The following GFAP variants were observed in gnomAD, a reference collection of about 807,000 sequenced individuals.
GFAP encodes intermediate filament protein.
GFAP carries 38 observed loss-of-function variants against 49.3 expected under a neutral mutation model. That is an observed-to-expected ratio of 0.77 (90% confidence interval 0.60 to 1.01). The LOEUF (loss-of-function observed/expected upper bound fraction) is 1.01, where lower values mean the gene tolerates loss of function less well. Among genes scored for constraint, GFAP ranks in the 50% least tolerant of loss-of-function variants. GFAP has a pLI of 0.00. For synonymous variants in GFAP, 222 were observed against 236.4 expected (o/e 0.94, Z 0.56); for missense variants, 463 against 579.1 (o/e 0.80, Z 2.06).
At position 44,905,878 on chromosome 17, in the gene GFAP, G is replaced by C. The variant is rs898216290; in HGVS notation, c.*1469C>G. ...CTCACCAGTCTGCTCAGTCAAAGCA[G>C]AGTGGGTGCACTGGGGTGGACGTGT... On this transcript the variant is annotated 3_prime_UTR_variant, in exon 9 of 9. Coordinates refer to ENST00000588735, the MANE Select transcript of GFAP (RefSeq NM_002055.5). 1 of 152,352 alleles carries C rather than the reference G, an allele frequency of 6.6e-6. No individual in the cohort carries two copies. Among genetic ancestry groups the C allele is most frequent in the African/African-American group, 2.4e-5 (1 of 41,450 alleles). 9.4% of individuals were successfully genotyped at this position (152,352 alleles called of 1,614,324 possible).
chr17:44,914,078 C>T lies in GFAP; in HGVS notation c.472G>A (p.Glu158Lys). The stretch of plus-strand genomic sequence containing the variant: ...TCGGCTTCCAGCCTCAGGTTGGTTT[C>T]ATCCTGGAGCCTGGAGTGGGGGGAC... Reference protein sequence around the residue: ...LATVRQKLQDETNLRLEAENN... With the variant: ...LATVRQKLQDKTNLRLEAENN... Residue 158 changes from glutamate (E) to lysine (K), a missense_variant, in exon 2 of 9, where the codon GAA becomes AAA. Coordinates refer to ENST00000588735, the MANE Select transcript of GFAP (RefSeq NM_002055.5). The T allele has an allele frequency of 6.4e-7, 1 of 1,554,100 alleles. No individual in the cohort carries two copies.
chr17:44,909,842 C>T, intron 7 of GFAP: 2 of 1,241,226 alleles, frequency 1.6e-6, no homozygotes, highest in African/African-American at 3.0e-5. Context: ...AGGGGCCCTC[C>T]CAGTGACAGG....
chr17:44,911,862 AG>A, intron 4 of GFAP, 65 bp from the exon 5 acceptor site: 1 of 1,560,180 alleles, frequency 6.4e-7, no homozygotes, highest in Non-Finnish European at 8.7e-7. Context: ...CTGGGAAATC[AG>A]GGAGGTGAGC....
chr17:44,910,094 C>T (rs754362823), intron 7 of GFAP: 1 of 1,613,684 alleles, frequency 6.2e-7, no homozygotes, highest in Admixed American at 1.7e-5. Context: ...AGGCTCACTC[C>T]CTGTCAAGCT....
intron 7 of GFAP, chr17:44,908,924 A>AG (rs1265945392): frequency 3.5e-5 from 4 of 114,766 alleles, no homozygotes; most frequent in African/African-American, 1.6e-4. Flanking sequence ...GAAGGAAGGA[A>AG]GAAAGAAAGA....
chr17:44,909,158 C>A, intron 7 of GFAP: 1 of 152,474 alleles, frequency 6.6e-6, no homozygotes. Flanking sequence ...AAGGAAGGAT[C>A]AGGAGACCAG....
chr17:44,904,827 G>A lies in GFAP; in HGVS notation c.*2520C>T, dbSNP rs549411808. 2.6e-6 allele frequency: 4 copies of A among 1,550,674 alleles called. No individual in the cohort carries two copies. Among genetic ancestry groups the A allele is most frequent in the East Asian group, 2.4e-5 (1 of 40,918 alleles). On this transcript the variant is annotated 3_prime_UTR_variant, in exon 9 of 9. Coordinates refer to ENST00000588735, the MANE Select transcript of GFAP (RefSeq NM_002055.5). ...GACCACGGCAACCAGCTCCACATCCGCTTCACCCAGCTGGATGACCGGGGC... is the reference window on the plus strand; with the variant it reads ...GACCACGGCAACCAGCTCCACATCCACTTCACCCAGCTGGATGACCGGGGC...
At chr17:44,914,248 G>A (rs2051852985) in intron 1 of GFAP, 160 bp from the exon 2 acceptor site, 3 of 616,946 alleles carry the variant, frequency 4.9e-6, no homozygotes, top group Non-Finnish European at 5.8e-6. Context: ...CAGAGGACTT[G>A]TCTGGAGGAT....
chr17:44,911,189 C>A (rs1477716996), intron 6 of GFAP, 47 bp downstream of exon 6: 1 of 1,532,124 alleles, frequency 6.5e-7, no homozygotes, highest in Non-Finnish European at 9.0e-7. Flanking sequence ...TGAGCTCTAC[C>A]GTGAGGCAGC....
rs1334775109 is a variant in GFAP, at chr17:44,904,330, T to C, written c.*3017A>G. 2.6e-6 allele frequency: 4 copies of C among 1,543,210 alleles called. No homozygotes were observed. The highest frequency in any genetic ancestry group is 3.5e-6 in the Non-Finnish European group (4 of 1,142,742). On this transcript the variant is annotated 3_prime_UTR_variant, in exon 9 of 9. Coordinates refer to ENST00000588735, the MANE Select transcript of GFAP (RefSeq NM_002055.5). The stretch of plus-strand genomic sequence containing the variant: ...CAGATGAATACTATGGGCACCTCCA[T>C]GTCTTCACCACCTTCTGGGAATGGA...
At chr17:44,907,651 C>T (rs1431330559) in intron 8 of GFAP, 76 of 585,636 alleles carry the variant, frequency 1.3e-4, no homozygotes, top group Non-Finnish European at 1.5e-4. Context: ...GTGGCGGATA[C>T]GCCAAATCCC....
intron 7 of GFAP, 192 bp from the exon 8 acceptor site, chr17:44,908,341 C>T (rs973146448): frequency 1.8e-6 from 1 of 557,756 alleles, no homozygotes; most frequent in Non-Finnish European, 3.2e-6. Context: ...CTGCCAGAGT[C>T]CTGGCTGCTC....
intron 6 of GFAP, 68 bp from the exon 7 acceptor site, chr17:44,910,726 G>A: frequency 3.2e-6 from 5 of 1,551,148 alleles, no homozygotes; most frequent in South Asian, 2.4e-5. Flanking sequence ...GTCTTGGTGC[G>A]GGGCCATCAT....
At position 44,904,566 on chromosome 17, in the gene GFAP, C is replaced by CAAAGACCA. The variant is rs1317112100; in HGVS notation, c.*2773_*2780dup. 2 of 1,550,590 alleles carry CAAAGACCA rather than the reference C, an allele frequency of 1.3e-6. No individual in the cohort carries two copies. The highest frequency in any genetic ancestry group is 1.7e-6 in the Non-Finnish European group (2 of 1,146,984). ...AGCTGCTTAGTACCCTGTGAGAAGACAAAGACCATCCGGGAGGGCGTGCTG... is the reference window on the plus strand; with the variant it reads ...AGCTGCTTAGTACCCTGTGAGAAGACAAAGACCAAAAGACCATCCGGGAGGGCGTGCTG... On this transcript the variant is annotated 3_prime_UTR_variant, in exon 9 of 9. Coordinates refer to ENST00000588735, the MANE Select transcript of GFAP (RefSeq NM_002055.5).
chr17:44,903,632 A>G lies in GFAP; in HGVS notation c.*3715T>C. 1 of 1,431,248 alleles carries G rather than the reference A, an allele frequency of 7.0e-7. No homozygotes were observed. Among genetic ancestry groups the G allele is most frequent in the South Asian group, 1.5e-5 (1 of 65,474 alleles). 88.7% of individuals were successfully genotyped at this position (1,431,248 alleles called of 1,614,324 possible). A position where few individuals can be genotyped will look rare whatever the true frequency, so the allele number is the denominator to read the frequency against. Reference sequence around the variant, plus strand: ...ACCCTGAGATCAGGTCTGGAATGTTAGAAGGGCATCTTGTACATCCACTGG... The same window carrying G: ...ACCCTGAGATCAGGTCTGGAATGTTGGAAGGGCATCTTGTACATCCACTGG... On this transcript the variant is annotated 3_prime_UTR_variant, in exon 9 of 9. Transcript: ENST00000588735.
At chr17:44,910,194 CGTATT>C in intron 7 of GFAP, 1 of 1,613,816 alleles carries the variant, frequency 6.2e-7, no homozygotes, top group Non-Finnish European at 8.5e-7. Flanking sequence ...TGGTATAACT[CGTATT>C]GTGAGGCTTT....
At chr17:44,912,108 G>GTTT (rs139660955) in intron 4 of GFAP, among the ~76,000 whole-genome samples, 64 of 150,816 alleles carry the variant, frequency 4.2e-4, no homozygotes, top group African/African-American at 1.4e-3. Context: ...TGTTTTGTGT[G>GTTT]TTTTTGTTTT....
chr17:44,914,003 T>G, intron 2 of GFAP, 25 bp downstream of exon 2: 1 of 1,024,470 alleles, frequency 9.8e-7, no homozygotes, highest in Non-Finnish European at 1.5e-6. Context: ...CTCCCTCCCC[T>G]GCCCCTCCCC....
At position 44,915,235 on chromosome 17, in the gene GFAP, G is replaced by A. The variant is rs571151302; in HGVS notation, c.252C>T (p.Ile84=). 31 of 1,614,208 alleles carry A rather than the reference G, an allele frequency of 1.9e-5. No homozygotes were observed. Among genetic ancestry groups the A allele is most frequent in the South Asian group, 1.5e-4 (14 of 91,082 alleles). Residue 84 remains isoleucine (I), a synonymous_variant, in exon 1 of 9, where the codon ATC becomes ATT. Transcript: ENST00000588735. The surrounding 1 kb of genome is among the most constrained non-coding windows in gnomAD (Gnocchi z 4.1). ...MELNDRFASY[I]EKVRFLEQQN... is the part of the protein sequence containing the mutation. Reference sequence around the variant, plus strand: ...GCTGTTCCAGGAAGCGAACCTTCTCGATGTAGCTGGCAAAGCGGTCATTGA... The same window carrying A: ...GCTGTTCCAGGAAGCGAACCTTCTCAATGTAGCTGGCAAAGCGGTCATTGA...
Sources: allele counts gnomAD v4.1 joint callset (sites outside exome capture counted in the v4.1 genomes callset), GRCh38; gene constraint gnomAD v4.1.1; non-coding constraint Gnocchi (gnomAD v3.1); transcripts MANE v1.5; gene names NCBI Gene and HGNC (gene_info 2026-07-23, HGNC 2026-07-21).